GUCA1C: variants seen among roughly 807,000 people sequenced by gnomAD.
GUCA1C encodes the protein guanylate cyclase activator 1C.
In GUCA1C, 15 loss-of-function variants were observed where a neutral mutation model predicts 16.2. The observed-to-expected ratio is 0.93, with a 90% confidence interval of 0.62 to 1.43. GUCA1C has a LOEUF of 1.43. GUCA1C is among the 40% of genes most tolerant of loss of function. The pLI, the probability that GUCA1C is intolerant of heterozygous loss-of-function variation, is 0.00. For missense variants in GUCA1C, 275 were observed against 244.8 expected (o/e 1.12, Z -0.82); for synonymous variants, 78 against 85.4 (o/e 0.91, Z 0.48).
At chr3:108,923,794 G>A (rs1946593146) in intron 1 of GUCA1C, among the ~76,000 whole-genome samples, 1 of 152,016 alleles carries the variant, frequency 6.6e-6, no homozygotes, top group Non-Finnish European at 1.5e-5. Context: ...CATGGGGTGT[G>A]TTTTCATTTG....
chr3:108,930,529 C>T (rs181934979), intron 1 of GUCA1C, among the ~76,000 whole-genome samples: 16 of 152,282 alleles, frequency 1.1e-4, no homozygotes, highest in African/African-American at 3.8e-4. Context: ...GTTTTCTAAA[C>T]TTATTATACT....
chr3:108,931,697 A>G (rs917213020), intron 1 of GUCA1C, among the ~76,000 whole-genome samples: 4 of 151,996 alleles, frequency 2.6e-5, no homozygotes, highest in Non-Finnish European at 5.9e-5. Flanking sequence ...AGGAGGAAAA[A>G]AATTATTGTT....
intron 1 of GUCA1C, among the ~76,000 whole-genome samples, chr3:108,921,515 C>T (rs1946568742): frequency 6.6e-6 from 1 of 152,182 alleles, no homozygotes; most frequent in Non-Finnish European, 1.5e-5. Context: ...AACTGCCAAA[C>T]TATCTTTCAA....
chr3:108,933,916 A>G (rs904954045), intron 1 of GUCA1C, among the ~76,000 whole-genome samples: 1 of 152,208 alleles, frequency 6.6e-6, no homozygotes, highest in African/African-American at 2.4e-5. Flanking sequence ...AATAGCAAAG[A>G]CTTGGAACCA....
intron 3 of GUCA1C, among the ~76,000 whole-genome samples, chr3:108,912,846 A>G (rs1946470848): frequency 6.6e-6 from 1 of 152,142 alleles, no homozygotes; most frequent in African/African-American, 2.4e-5. Flanking sequence ...TTATTTATAG[A>G]GCACCTACTG....
chr3:108,948,604 T>A (rs1260465908), intron 1 of GUCA1C, among the ~76,000 whole-genome samples: 1 of 152,234 alleles, frequency 6.6e-6, no homozygotes, highest in African/African-American at 2.4e-5. Flanking sequence ...TCTTCATGTT[T>A]GATTTGGCTC....
intron 1 of GUCA1C, among the ~76,000 whole-genome samples, chr3:108,939,324 C>CTTTTTTTTGTTTTTTTTT (rs1946761436): frequency 3.0e-5 from 1 of 32,912 alleles, no homozygotes; most frequent in African/African-American, 1.1e-4. Flanking sequence ...TGCTTCAAGG[C>CTTTTTTTTGTTTTTTTTT]TTTTTTTTTT....
In GUCA1C at chr3:108,937,930, G is replaced by T. The variant is rs187273913; in HGVS notation, c.204+15629C>A. Among the ~76,000 whole-genome samples the T allele has an allele frequency of 1.0e-3, 155 of 152,202 alleles. 1 individual carries two copies. The East Asian group carries it at 0.024, about 23-fold the overall frequency. The stretch of plus-strand genomic sequence containing the variant: ...TACTAAAAATACAAAACTTAGCGGG[G>T]CGTGGTGGCAGGCGCCTGCAATTCC... On this transcript the variant is annotated intron_variant, in intron 1 of 3. Coordinates refer to ENST00000261047, the MANE Select transcript of GUCA1C (RefSeq NM_005459.4).
chr3:108,931,230 A>G (rs1386103143), intron 1 of GUCA1C, among the ~76,000 whole-genome samples: 3 of 152,170 alleles, frequency 2.0e-5, no homozygotes, highest in Non-Finnish European at 1.5e-5. Context: ...GCATTTTTCA[A>G]TGTCACCTGC....
At chr3:108,920,710 T>C (rs1184897602) in intron 1 of GUCA1C, 125 bp from the exon 2 acceptor site, 1 of 578,964 alleles carries the variant, frequency 1.7e-6, no homozygotes, top group East Asian at 3.1e-5. Context: ...GATTTCAGCA[T>C]AAAACTTTTC....
chr3:108,910,589 A>C (rs1576542202), intron 3 of GUCA1C, among the ~76,000 whole-genome samples: 2 of 152,090 alleles, frequency 1.3e-5, no homozygotes, highest in Non-Finnish European at 2.9e-5. Context: ...AGTAATCTGA[A>C]GTCATTACTG....
intron 1 of GUCA1C, among the ~76,000 whole-genome samples, chr3:108,926,919 G>C (rs1278705652): frequency 6.6e-6 from 1 of 152,114 alleles, no homozygotes; most frequent in Non-Finnish European, 1.5e-5. Flanking sequence ...TGTAGTGCTA[G>C]CTTGGTACTG....
chr3:108,955,019 A>C (rs1036516172), upstream of GUCA1C, among the ~76,000 whole-genome samples: 4 of 152,084 alleles, frequency 2.6e-5, no homozygotes, highest in African/African-American at 9.7e-5. Context: ...GGCACAAGTC[A>C]CCACACCTGG....
At chr3:108,910,876 TC>T (rs1576542391) in intron 3 of GUCA1C, among the ~76,000 whole-genome samples, 1 of 152,036 alleles carries the variant, frequency 6.6e-6, no homozygotes, top group Non-Finnish European at 1.5e-5. Context: ...GGTCTCGATC[TC>T]CTGACCTCGT....
intron 1 of GUCA1C, among the ~76,000 whole-genome samples, chr3:108,937,738 T>C (rs1946740168): frequency 6.6e-6 from 1 of 152,204 alleles, no homozygotes; most frequent in Non-Finnish European, 1.5e-5. Flanking sequence ...CTACACAGTG[T>C]TAACTAAGAA....
At chr3:108,943,019 T>A (rs1485668782) in intron 1 of GUCA1C, among the ~76,000 whole-genome samples, 1 of 152,174 alleles carries the variant, frequency 6.6e-6, no homozygotes. Flanking sequence ...GAAGCAGGAA[T>A]CAAGAGTTCA....
chr3:108,954,990 C>A (rs1002044503), upstream of GUCA1C, among the ~76,000 whole-genome samples: 1 of 152,104 alleles, frequency 6.6e-6, no homozygotes, highest in South Asian at 2.1e-4. Context: ...CCTCAGCCTC[C>A]CAAAGTGCTG....
Position 108,952,382 on chromosome 3 carries a change from G to C in GUCA1C, c.204+1177C>G, listed in dbSNP as rs140925616. Among the ~76,000 whole-genome samples, 457 of 152,234 alleles carry C rather than the reference G, an allele frequency of 3.0e-3. 1 individual carries two copies. Among genetic ancestry groups the C allele is most frequent in the Non-Finnish European group, 4.5e-3 (307 of 68,028 alleles). On this transcript the variant is annotated intron_variant, in intron 1 of 3. Coordinates refer to ENST00000261047, the MANE Select transcript of GUCA1C (RefSeq NM_005459.4). ...CGCCTTTTGCTTGCATTGACACTAA[G>C]TAAAATTGATGAGGAGGAAAGCACT...
At chr3:108,938,046 G>A (rs1946746571) in intron 1 of GUCA1C, among the ~76,000 whole-genome samples, 1 of 151,724 alleles carries the variant, frequency 6.6e-6, no homozygotes. Flanking sequence ...CTCTGATAGA[G>A]CAAGACTCTG....
Sources: allele counts gnomAD v4.1 joint callset (sites outside exome capture counted in the v4.1 genomes callset), GRCh38; gene constraint gnomAD v4.1.1; transcripts MANE v1.5; gene names NCBI Gene and HGNC (gene_info 2026-07-23, HGNC 2026-07-21).